FHIT: variants seen among roughly 807,000 people sequenced by gnomAD.
FHIT encodes the protein fragile histidine triad diadenosine triphosphatase, also known as bis(5'-adenosyl)-triphosphatase.
A neutral mutation model predicts 17.9 loss-of-function variants in FHIT; 19 were observed. The ratio of observed to expected loss-of-function variants is 1.06; its 90% CI spans 0.74 to 1.56. FHIT has a LOEUF of 1.56. Among genes scored for constraint, FHIT ranks in the 40% most tolerant of loss-of-function variants. FHIT has a pLI of 0.00. For synonymous variants in FHIT, 81 were observed against 69.7 expected (o/e 1.16, Z -0.81); for missense variants, 248 against 189.2 (o/e 1.31, Z -1.82).
At chr3:60,699,081 TA>T (rs2041179366) in intron 4 of FHIT, among the ~76,000 whole-genome samples, 1 of 152,208 alleles carries the variant, frequency 6.6e-6, no homozygotes, top group South Asian at 2.1e-4. Context: ...TTACACCTTT[TA>T]AATGTTTTAT....
chr3:60,455,165 G>A (rs944176767), intron 5 of FHIT, among the ~76,000 whole-genome samples: 3 of 152,042 alleles, frequency 2.0e-5, no homozygotes, highest in African/African-American at 7.3e-5. Context: ...GGAAAGGAAG[G>A]CAAATTATCC....
intron 5 of FHIT, among the ~76,000 whole-genome samples, chr3:60,467,166 G>A (rs944951961): frequency 6.6e-6 from 1 of 151,910 alleles, no homozygotes; most frequent in Non-Finnish European, 1.5e-5. Context: ...GTAGCTCACA[G>A]TATCTTCTAA....
chr3:59,767,952 G>T (rs1381300511), intron 8 of FHIT, among the ~76,000 whole-genome samples: 9 of 152,152 alleles, frequency 5.9e-5, no homozygotes, highest in Non-Finnish European at 1.3e-4. Flanking sequence ...CATACAGAAT[G>T]TTATTTGATG....
chr3:60,320,171 G>T (rs558763287), intron 5 of FHIT, among the ~76,000 whole-genome samples: 9 of 152,144 alleles, frequency 5.9e-5, no homozygotes, highest in East Asian at 1.9e-4. Flanking sequence ...ACACTCTTAC[G>T]TTGTTTATGT....
At chr3:60,514,407 G>A (rs1422672815) in intron 5 of FHIT, among the ~76,000 whole-genome samples, 2 of 152,198 alleles carry the variant, frequency 1.3e-5, no homozygotes, top group Non-Finnish European at 1.5e-5. Context: ...GTGGGGAGTG[G>A]CCAGCAGTGG....
chr3:60,214,672 C>G (rs1189195484), intron 5 of FHIT, among the ~76,000 whole-genome samples: 1 of 152,106 alleles, frequency 6.6e-6, no homozygotes, highest in Non-Finnish European at 1.5e-5. Flanking sequence ...GGGTATATAA[C>G]CAAAGGAAAA....
At chr3:60,121,370 G>A (rs1705238021) in intron 5 of FHIT, among the ~76,000 whole-genome samples, 1 of 151,974 alleles carries the variant, frequency 6.6e-6, no homozygotes, top group African/African-American at 2.4e-5. Context: ...TCAGTTACCT[G>A]CAGTCAACTG....
At chr3:60,142,577 T>C (rs1417260377) in intron 5 of FHIT, among the ~76,000 whole-genome samples, 1 of 152,150 alleles carries the variant, frequency 6.6e-6, no homozygotes, top group African/African-American at 2.4e-5. Flanking sequence ...TGGCTCACTA[T>C]AGCCTCAAAC....
chr3:60,874,120 C>T (rs1174131032), intron 3 of FHIT, among the ~76,000 whole-genome samples: 2 of 152,090 alleles, frequency 1.3e-5, no homozygotes, highest in Admixed American at 6.6e-5. Flanking sequence ...GATATTGAAC[C>T]CCTCTGAGTC....
At chr3:59,852,547 T>C (rs889068318) in intron 8 of FHIT, among the ~76,000 whole-genome samples, 1 of 152,182 alleles carries the variant, frequency 6.6e-6, no homozygotes, top group African/African-American at 2.4e-5. Context: ...GTCCATAGTT[T>C]ACAAGAGGAT....
At chr3:61,150,344 T>C (rs2037351243) in intron 2 of FHIT, among the ~76,000 whole-genome samples, 1 of 152,092 alleles carries the variant, frequency 6.6e-6, no homozygotes, top group African/African-American at 2.4e-5. Flanking sequence ...CCTTCTTTTT[T>C]AAGAGATGGA....
At chr3:60,110,267 T>C (rs773885332) in intron 5 of FHIT, among the ~76,000 whole-genome samples, 8 of 152,190 alleles carry the variant, frequency 5.3e-5, no homozygotes, top group Non-Finnish European at 1.0e-4. Flanking sequence ...ACATTCAGTA[T>C]AAATCTCTAA....
chr3:60,842,888 C>A (rs1553745538), intron 3 of FHIT, among the ~76,000 whole-genome samples: 1 of 151,754 alleles, frequency 6.6e-6, no homozygotes, highest in African/African-American at 2.4e-5. Context: ...TAGAAGTACC[C>A]CTTAAAATTG....
intron 5 of FHIT, among the ~76,000 whole-genome samples, chr3:60,436,417 A>G (rs2030247570): frequency 6.6e-6 from 1 of 152,002 alleles, no homozygotes; most frequent in Non-Finnish European, 1.5e-5. Flanking sequence ...TTATTCAACA[A>G]TTTTTCACAA....
chr3:59,756,373 G>C (rs1370300743), intron 8 of FHIT, among the ~76,000 whole-genome samples: 1 of 152,146 alleles, frequency 6.6e-6, no homozygotes, highest in Non-Finnish European at 1.5e-5. Context: ...TAAGGAGTGA[G>C]TAAGGTATTA....
chr3:60,169,790 G>A (rs943621578), intron 5 of FHIT, among the ~76,000 whole-genome samples: 1 of 152,096 alleles, frequency 6.6e-6, no homozygotes, highest in Non-Finnish European at 1.5e-5. Flanking sequence ...GGATCTCCGA[G>A]GCCACCCAAA....
rs114334312 is a variant in FHIT at position 61,119,847 on chromosome 3, C to T, written c.-163-77748G>A. On this transcript the variant is annotated intron_variant, in intron 2 of 9. Transcript: ENST00000492590. The stretch of plus-strand genomic sequence containing the variant: ...TCAGGCTTTCAGACTTTAACTAGAA[C>T]TCACATCATCAGGTCTCCTGGTTTT... Among the ~76,000 whole-genome samples the T allele has an allele frequency of 5.5e-3, 834 of 152,330 alleles. 2 individuals are homozygous for T. The highest frequency in any genetic ancestry group is 7.9e-3 in the Non-Finnish European group (535 of 68,038).
chr3:61,041,141 G>A (rs1464848508), intron 3 of FHIT, among the ~76,000 whole-genome samples: 2 of 152,116 alleles, frequency 1.3e-5, no homozygotes, highest in African/African-American at 4.8e-5. Context: ...AGCACTTTAG[G>A]AGGCTGAGGC....
intron 5 of FHIT, among the ~76,000 whole-genome samples, chr3:60,385,831 G>A (rs1700985860): frequency 6.6e-6 from 1 of 152,080 alleles, no homozygotes; most frequent in African/African-American, 2.4e-5. Flanking sequence ...TCCTGCCTCA[G>A]CCTCCCCAAA....
Sources: gnomAD v4.1 joint callset for allele counts (sites outside exome capture counted in the v4.1 genomes callset) on GRCh38, gnomAD v4.1.1 for gene constraint, MANE v1.5 for transcripts, NCBI Gene and HGNC (gene_info 2026-07-23, HGNC 2026-07-21) for gene names.